NAALADL2: variants seen among roughly 807,000 people sequenced by gnomAD.
The protein encoded by NAALADL2 is N-acetylated alpha-linked acidic dipeptidase like 2.
Under a neutral mutation model 87.2 loss-of-function variants are expected in NAALADL2, and 76 were observed. The observed-to-expected ratio is 0.87, with a 90% CI of 0.72 to 1.05. NAALADL2 has a LOEUF of 1.05. Among genes scored for constraint, NAALADL2 ranks in the 50% least tolerant of loss-of-function variants. The probability of loss-of-function intolerance (pLI) is 0.00; values close to 1 mark genes in which losing one functional copy is unlikely to be tolerated. For missense variants in NAALADL2, 1,089 were observed against 945.8 expected (o/e 1.15, Z -1.99); for synonymous variants, 354 against 331.0 (o/e 1.07, Z -0.75).
intron 5 of NAALADL2, among the ~76,000 whole-genome samples, chr3:175,446,430 C>T (rs148784953): frequency 1.7e-3 from 258 of 152,198 alleles, no homozygotes; most frequent in Middle Eastern, 6.8e-3. Flanking sequence ...TTATTATGCA[C>T]GGGGTTTCAC....
At chr3:175,219,864 C>CTTTT in intron 2 of NAALADL2, among the ~76,000 whole-genome samples, 1 of 118,712 alleles carries the variant, frequency 8.4e-6, no homozygotes, top group South Asian at 2.5e-4. Context: ...TTGTGGTTTT[C>CTTTT]TTTCTTTTTT....
chr3:175,686,926 A>G (rs1736377426), intron 11 of NAALADL2, among the ~76,000 whole-genome samples: 1 of 152,162 alleles, frequency 6.6e-6, no homozygotes, highest in African/African-American at 2.4e-5. Context: ...TATACCTACC[A>G]TCTTATTTAA....
intron 13 of NAALADL2, among the ~76,000 whole-genome samples, chr3:175,789,907 T>C (rs1752569095): frequency 1.3e-5 from 2 of 152,278 alleles, no homozygotes; most frequent in African/African-American, 2.4e-5. Context: ...CATTTTGTTT[T>C]CCCTAAGTAT....
At chr3:174,833,531 A>T (rs527346929) in intron 3 of NAALADL2, among the ~76,000 whole-genome samples, 1 of 152,114 alleles carries the variant, frequency 6.6e-6, no homozygotes. Flanking sequence ...GGAAGAGGAA[A>T]AACTTGCCCA....
chr3:175,195,710 T>C (rs1738886130), intron 2 of NAALADL2, among the ~76,000 whole-genome samples: 1 of 151,950 alleles, frequency 6.6e-6, no homozygotes, highest in Admixed American at 6.6e-5. Context: ...AGGACATTTA[T>C]ATATCAGCCT....
intron 11 of NAALADL2, among the ~76,000 whole-genome samples, chr3:175,707,437 A>C (rs1373063459): frequency 6.6e-6 from 1 of 152,136 alleles, no homozygotes; most frequent in Non-Finnish European, 1.5e-5. Flanking sequence ...CTAGATTTAC[A>C]TGAGGGCTTT....
chr3:175,549,315 T>C (rs1490630470), intron 9 of NAALADL2, among the ~76,000 whole-genome samples: 1 of 152,034 alleles, frequency 6.6e-6, no homozygotes, highest in Non-Finnish European at 1.5e-5. Context: ...AACTGTCATG[T>C]TATTTTCCTT....
intron 9 of NAALADL2, among the ~76,000 whole-genome samples, chr3:175,501,359 C>T (rs1729513782): frequency 6.6e-6 from 1 of 151,812 alleles, no homozygotes; most frequent in Non-Finnish European, 1.5e-5. Context: ...GCCACCTCCA[C>T]AATTATATTA....
chr3:175,121,258 C>T (rs1457163971), intron 2 of NAALADL2, among the ~76,000 whole-genome samples: 1 of 151,872 alleles, frequency 6.6e-6, no homozygotes, highest in Non-Finnish European at 1.5e-5. Context: ...TGATTACATA[C>T]TTGCCACCTG....
intron 1 of NAALADL2, among the ~76,000 whole-genome samples, chr3:174,932,664 G>T (rs1362290304): frequency 1.4e-4 from 22 of 151,928 alleles, no homozygotes; most frequent in Admixed American, 1.4e-3. Flanking sequence ...TGGTCTGTCA[G>T]CAAAAAAATA....
chr3:175,488,850 T>C (rs1476097522), intron 9 of NAALADL2, among the ~76,000 whole-genome samples: 2 of 152,174 alleles, frequency 1.3e-5, no homozygotes, highest in Non-Finnish European at 2.9e-5. Context: ...GATTTAGTCA[T>C]GTAGAATAAC....
chr3:174,856,178 G>A (rs549591657), upstream of NAALADL2, among the ~76,000 whole-genome samples: 51 of 151,952 alleles, frequency 3.4e-4, no homozygotes, highest in Middle Eastern at 3.4e-3. Flanking sequence ...GATAATTTTT[G>A]TATTGTTTGT....
chr3:175,398,344 C>CTTTTT (rs776575751), intron 5 of NAALADL2, among the ~76,000 whole-genome samples: 36 of 112,036 alleles, frequency 3.2e-4, no homozygotes, highest in African/African-American at 1.1e-3. Flanking sequence ...GCTTCTGCTA[C>CTTTTT]TTTTTTTTTT....
chr3:175,097,053 GA>G lies in NAALADL2; in HGVS notation c.309del (p.Glu103AspfsTer24). The G allele has an allele frequency of 6.2e-7, 1 of 1,613,704 alleles. No individual in the cohort carries two copies. Among genetic ancestry groups the G allele is most frequent in the Non-Finnish European group, 8.5e-7 (1 of 1,179,746 alleles). The stretch of plus-strand genomic sequence containing the variant: ...AGGAAGGTTCCAGAGACTTCAAGAA[GA>G]ATCTGACTACATTACCCATTATACA... The part of the protein sequence containing the change: ...PKGRFQRLQE[E>X]SDYITHYTRS... On this transcript the variant is annotated frameshift_variant, in exon 2 of 14. Transcript: ENST00000454872. LOFTEE classifies it high-confidence loss of function.
chr3:174,749,995 C>G (rs969206833), intron 3 of NAALADL2, among the ~76,000 whole-genome samples: 3 of 152,106 alleles, frequency 2.0e-5, no homozygotes, highest in Non-Finnish European at 4.4e-5. Context: ...GGACTGCCTT[C>G]CCATGGTTCC....
intron 3 of NAALADL2, among the ~76,000 whole-genome samples, chr3:175,239,397 T>G (rs767961129): frequency 1.3e-5 from 2 of 152,228 alleles, no homozygotes; most frequent in Non-Finnish European, 2.9e-5. Flanking sequence ...ATTTTATTAA[T>G]AGAACATATG....
chr3:174,766,661 A>G (rs568570732), intron 3 of NAALADL2, among the ~76,000 whole-genome samples: 1 of 152,106 alleles, frequency 6.6e-6, no homozygotes, highest in Non-Finnish European at 1.5e-5. Flanking sequence ...TTGCTTCTCT[A>G]TTATAGAATT....
intron 9 of NAALADL2, among the ~76,000 whole-genome samples, chr3:175,535,836 T>C (rs193268058): frequency 6.6e-6 from 1 of 152,360 alleles, no homozygotes; most frequent in East Asian, 1.9e-4. Context: ...CATGATATAA[T>C]AACTACCTGT....
chr3:175,326,302 T>G (rs1455326147), intron 5 of NAALADL2, among the ~76,000 whole-genome samples: 1 of 152,226 alleles, frequency 6.6e-6, no homozygotes, highest in African/African-American at 2.4e-5. Context: ...GGTATTTCTG[T>G]TAACATTCTG....
Sources: gnomAD v4.1 joint callset for allele counts (sites outside exome capture counted in the v4.1 genomes callset) on GRCh38, gnomAD v4.1.1 for gene constraint, MANE v1.5 for transcripts, NCBI Gene and HGNC (gene_info 2026-07-23, HGNC 2026-07-21) for gene names.